POMT1: variants seen among roughly 807,000 people sequenced by gnomAD.
The protein encoded by POMT1 is protein O-mannosyltransferase 1.
In POMT1, 85 loss-of-function variants were observed where a neutral mutation model predicts 101.6. The observed-to-expected ratio is 0.84, with a 90% CI of 0.70 to 1.00. POMT1 has a LOEUF of 1.00. Ranked by LOEUF, POMT1 falls within the 50% of genes least tolerant of loss-of-function variation. The pLI is 0.00. For missense variants in POMT1, 857 were observed against 930.4 expected (o/e 0.92, Z 1.03); for synonymous variants, 371 against 383.0 (o/e 0.97, Z 0.37).
rs1415622281 is a variant in POMT1 at position 131,511,389 on chromosome 9, C to G, written c.908C>G (p.Ser303Cys). Residue 303 changes from serine to cysteine, a missense_variant, in exon 10 of 20, where the codon TCC (serine) becomes TGC (cysteine). Ser to Cys is a moderately radical substitution (Grantham distance 112). Coordinates refer to ENST00000402686, the MANE Select transcript of POMT1 (RefSeq NM_001077365.2). The stretch of plus-strand genomic sequence containing the variant: ...CAGCCACTGGAGGTGGCCTTTGGGT[C>G]CCAGGTCACTCTGAGGAACGTCTTT... The part of the protein sequence containing the change: ...QGQPLEVAFG[S>C]QVTLRNVFGK... 19 of 1,613,996 alleles carry G rather than the reference C, an allele frequency of 1.2e-5. No homozygotes were observed. The highest frequency in any genetic ancestry group is 1.4e-5 in the Non-Finnish European group (17 of 1,179,868).
chr9:131,520,321 C>T, intron 17 of POMT1, 128 bp downstream of exon 17: 2 of 854,134 alleles, frequency 2.3e-6, no homozygotes, highest in East Asian at 5.3e-5. Context: ...TGACAAAGGC[C>T]TGTGACTTGG....
At chr9:131,516,334 CTCCTCACACGGAGCACT>C (rs1382915334) in intron 13 of POMT1, among the ~76,000 whole-genome samples, 1 of 93,720 alleles carries the variant, frequency 1.1e-5, no homozygotes, top group African/African-American at 4.1e-5. Context: ...CACGGAACAC[CTCCTCACACGGAGCACT>C]TCCTCACACG....
At chr9:131,511,751 A>G in intron 10 of POMT1, 1 of 576,504 alleles carries the variant, frequency 1.7e-6, no homozygotes, top group South Asian at 2.0e-5. Flanking sequence ...TGGTATCTTC[A>G]TTTTCCCTGA....
rs763298913 is a variant in POMT1 at position 131,510,427 on chromosome 9, G to A, written c.855+12G>A. 3.2e-5 allele frequency: 51 copies of A among 1,612,480 alleles called. No homozygotes were observed. In the South Asian group the frequency reaches 5.4e-4, roughly 17 times the overall value. ...AGGCCAGCTTAGAGGTAAGTAAGCAGTGGGCATCGTGGCCACTGGAGAAGG... is the reference window on the plus strand; with the variant it reads ...AGGCCAGCTTAGAGGTAAGTAAGCAATGGGCATCGTGGCCACTGGAGAAGG... On this transcript the variant is annotated intron_variant, in intron 9 of 19. Coordinates refer to ENST00000402686, the MANE Select transcript of POMT1 (RefSeq NM_001077365.2).
At position 131,521,779 on chromosome 9, in the gene POMT1, G is replaced by A. The variant is rs61584357; in HGVS notation, c.1826-268G>A. Among the ~76,000 whole-genome samples, 9,004 of 152,308 alleles carry A rather than the reference G, an allele frequency of 0.059. 341 individuals are homozygous for A. Among genetic ancestry groups the A allele is most frequent in the Admixed American group, 0.12 (1,787 of 15,306 alleles). On this transcript the variant is annotated intron_variant, in intron 18 of 19. Transcript: ENST00000402686. The stretch of plus-strand genomic sequence containing the variant: ...AGAGGTGTCTCCAGTCGAGTGCAGC[G>A]TATTGGGCAGGAATTGCCCTCTTGG...
At chr9:131,513,814 C>T (rs557257417) in intron 12 of POMT1, among the ~76,000 whole-genome samples, 4 of 152,334 alleles carry the variant, frequency 2.6e-5, no homozygotes, top group South Asian at 4.1e-4. Context: ...CAGTTGCTCA[C>T]ACCCTCCTCC....
chr9:131,518,537 G>A lies in POMT1; in HGVS notation c.1365G>A (p.Lys455=). The A allele has an allele frequency of 1.9e-6, 3 of 1,612,824 alleles. No homozygotes were observed. The highest frequency in any genetic ancestry group is 2.5e-6 in the Non-Finnish European group (3 of 1,179,038). ...ACGTGAACACTTCCGCTGTCTTAAA[G>A]GTAAGGACACTGTCCGTGGCTTGGC... The part of the protein sequence containing the change: ...FVHVNTSAVL[K]LSGAHLPDWG... The change falls in exon 14 of 20, where the codon AAG becomes AAA. Residue 455 remains lysine (K), a splice_region_variant and synonymous_variant. Coordinates refer to ENST00000402686, the MANE Select transcript of POMT1 (RefSeq NM_001077365.2).
intron 17 of POMT1, 88 bp from the exon 18 acceptor site, chr9:131,521,258 G>A (rs1588492939): frequency 7.6e-6 from 12 of 1,574,000 alleles, no homozygotes; most frequent in Middle Eastern, 1.7e-4. Flanking sequence ...AAAGTAGTGC[G>A]TGCATCTGAA....
At chr9:131,521,246 C>A (rs1949856544) in intron 17 of POMT1, 100 bp from the exon 18 acceptor site, 2 of 1,553,628 alleles carry the variant, frequency 1.3e-6, no homozygotes, top group African/African-American at 1.4e-5. Flanking sequence ...TTTCACTCTG[C>A]TAAAGTAGTG....
intron 2 of POMT1, among the ~76,000 whole-genome samples, chr9:131,505,156 C>A (rs1323608612): frequency 2.0e-5 from 3 of 151,580 alleles, no homozygotes; most frequent in African/African-American, 7.3e-5. Flanking sequence ...TAATGAATGA[C>A]CCCCCCACAC....
rs1167350654 is a variant in POMT1 at position 131,521,484 on chromosome 9, T to C, written c.1825+12T>C. The stretch of plus-strand genomic sequence containing the variant: ...TGACCTCCCTCAGGGTTAGTACCTC[T>C]CCCACATGGCTTTCTTTCTTTTTAA... On this transcript the variant is annotated intron_variant, in intron 18 of 19. Coordinates refer to ENST00000402686, the MANE Select transcript of POMT1 (RefSeq NM_001077365.2). The C allele has an allele frequency of 4.3e-6, 7 of 1,613,270 alleles. No individual in the cohort carries two copies. The highest frequency in any genetic ancestry group is 5.1e-6 in the Non-Finnish European group (6 of 1,179,486).
At chr9:131,509,155 C>T in intron 6 of POMT1, 133 bp downstream of exon 6, 1 of 708,878 alleles carries the variant, frequency 1.4e-6, no homozygotes, top group Non-Finnish European at 2.5e-6. Context: ...GAGTTGCTTG[C>T]TAAATATCTT....
Position 131,518,775 on chromosome 9 carries a change from C to T in POMT1, c.1366-62C>T, listed in dbSNP as rs1052496870. On this transcript the variant is annotated intron_variant, in intron 14 of 19. Coordinates refer to ENST00000402686, the MANE Select transcript of POMT1 (RefSeq NM_001077365.2). ...CCGGGCAGGGGTTCCCCTTCCAACC[C>T]AAGTGGACACGGGAGCCACGGCCTT... is the stretch of plus-strand genomic sequence containing the variant. The T allele has an allele frequency of 3.7e-6, 6 of 1,613,110 alleles. No homozygotes were observed. The African/African-American group carries it at 4.0e-5, about 11-fold the overall frequency.
At position 131,503,635 on chromosome 9, in the gene POMT1, A is replaced by G. The variant is rs1391506223; in HGVS notation, c.-30-554A>G. ...CAAGGGAAGATGAAGCCTGGAGGAGAACGTGGGGGCGCAGGGTGCAAATGC... is the reference window on the plus strand; with the variant it reads ...CAAGGGAAGATGAAGCCTGGAGGAGGACGTGGGGGCGCAGGGTGCAAATGC... On this transcript the variant is annotated intron_variant, in intron 1 of 19. Transcript: ENST00000402686. This position sits in a 1 kb window ranked among gnomAD's most constrained non-coding sequence, Gnocchi z 4.4. Among the ~76,000 whole-genome samples, 1 of 152,064 alleles carries G rather than the reference A, an allele frequency of 6.6e-6. No individual in the cohort carries two copies. The highest frequency in any genetic ancestry group is 1.5e-5 in the Non-Finnish European group (1 of 67,988).
chr9:131,521,512 T>G, intron 18 of POMT1, 40 bp downstream of exon 18: 2 of 1,602,168 alleles, frequency 1.2e-6, no homozygotes, highest in Non-Finnish European at 1.7e-6. Context: ...CTTTTTAATA[T>G]AGACATGGGG....
In POMT1 at chr9:131,503,559, G is replaced by T. The variant is rs1487405518; in HGVS notation, c.-31+486G>T. ...GCGCCAACGGCCAGATGCGGCTTTG[G>T]TGTGAGACAGGGTGTCCCAGGCCTG... On this transcript the variant is annotated intron_variant, in intron 1 of 19. Transcript: ENST00000402686. The surrounding 1 kb of genome is among the most constrained non-coding windows in gnomAD (Gnocchi z 4.4). Among the ~76,000 whole-genome samples the T allele has an allele frequency of 6.6e-6, 1 of 152,230 alleles. No individual in the cohort carries two copies. The highest frequency in any genetic ancestry group is 1.5e-5 in the Non-Finnish European group (1 of 68,032).
In POMT1 at chr9:131,518,832, A is replaced by C. The variant is rs1949294519; in HGVS notation, c.1366-5A>C. The C allele has an allele frequency of 1.9e-6, 3 of 1,613,896 alleles. No individual in the cohort carries two copies. In the East Asian group the frequency reaches 6.7e-5, roughly 36 times the overall value. ...ACGCCCTTTACTCTCCTGCGGTGTC[A>C]CCAGCTGAGCGGGGCTCACCTCCCT... is the stretch of plus-strand genomic sequence containing the variant. On this transcript the variant is annotated splice_region_variant and splice_polypyrimidine_tract_variant and intron_variant, in intron 14 of 19. Coordinates refer to ENST00000402686, the MANE Select transcript of POMT1 (RefSeq NM_001077365.2).
chr9:131,514,135 G>A (rs187846200), intron 12 of POMT1, among the ~76,000 whole-genome samples: 1 of 152,302 alleles, frequency 6.6e-6, no homozygotes, highest in Non-Finnish European at 1.5e-5. Context: ...TTCAGAACCA[G>A]CCCTGGGTAG....
rs1422052680 is a variant in POMT1, at chr9:131,519,534, C to T, written c.1584+48C>T. ...TGGCCTAGCTCGCTGAGCATTGACT[C>T]CTCAGCAGGGAGGCCTGGGGGCTGC... On this transcript the variant is annotated intron_variant, in intron 16 of 19. Coordinates refer to ENST00000402686, the MANE Select transcript of POMT1 (RefSeq NM_001077365.2). The surrounding 1 kb of genome is among the most constrained non-coding windows in gnomAD (Gnocchi z 4.3). 4 of 1,518,932 alleles carry T rather than the reference C, an allele frequency of 2.6e-6. No homozygotes were observed. The highest frequency in any genetic ancestry group is 1.8e-6 in the Non-Finnish European group (2 of 1,124,210). 94.1% of individuals were successfully genotyped at this position (1,518,932 alleles called of 1,614,324 possible). A position where few individuals can be genotyped will look rare whatever the true frequency, so the allele number is the denominator to read the frequency against.
Sources: gnomAD v4.1 joint callset for allele counts (sites outside exome capture counted in the v4.1 genomes callset) on GRCh38, gnomAD v4.1.1 for gene constraint, Gnocchi (gnomAD v3.1) non-coding constraint, MANE v1.5 for transcripts, NCBI Gene and HGNC (gene_info 2026-07-23, HGNC 2026-07-21) for gene names.